The following CFAP69 variants were observed in gnomAD, a reference collection of about 807,000 sequenced individuals.
CFAP69 encodes cilia- and flagella-associated protein 69.
A neutral mutation model predicts 123.0 loss-of-function variants in CFAP69; 92 were observed. That is an observed-to-expected ratio of 0.75 (90% confidence interval 0.63 to 0.89). The LOEUF (loss-of-function observed/expected upper bound fraction) is 0.89, where lower values mean the gene tolerates loss of function less well. Among genes scored for constraint, CFAP69 ranks in the 40% least tolerant of loss-of-function variants. CFAP69 has a pLI of 0.00. For synonymous variants in CFAP69, 380 were observed against 364.3 expected (o/e 1.04, Z -0.49); for missense variants, 1,067 against 1,096.9 (o/e 0.97, Z 0.39).
At chr7:90,283,497 A>G (rs1280300069) in intron 13 of CFAP69, among the ~76,000 whole-genome samples, 1 of 152,186 alleles carries the variant, frequency 6.6e-6, no homozygotes, top group Admixed American at 6.5e-5. Flanking sequence ...ATATCAGAAT[A>G]TCCTTGACTT....
chr7:90,300,492 T>A, intron 17 of CFAP69: 7 of 750,110 alleles, frequency 9.3e-6, no homozygotes, highest in Non-Finnish European at 1.1e-5. Context: ...TTTATAGAGT[T>A]TACTTTTTAT....
At chr7:90,300,232 A>C in intron 17 of CFAP69, 173 bp downstream of exon 17, 1 of 1,104,614 alleles carries the variant, frequency 9.1e-7, no homozygotes. Context: ...AAACTAAGTA[A>C]ATTAGTAGTA....
intron 1 of CFAP69, among the ~76,000 whole-genome samples, chr7:90,254,127 G>A (rs994308980): frequency 9.2e-5 from 14 of 152,070 alleles, no homozygotes; most frequent in Non-Finnish European, 1.9e-4. Flanking sequence ...TGGTACCTTT[G>A]TCAAAAATGA....
chr7:90,246,105 C>T (rs1562826647), intron 1 of CFAP69, among the ~76,000 whole-genome samples: 1 of 152,106 alleles, frequency 6.6e-6, no homozygotes, highest in Non-Finnish European at 1.5e-5. Flanking sequence ...TCGGAGAGAA[C>T]CGGGAGAGAA....
chr7:90,316,663 G>A, the CFAP69 span: 4 of 152,246 alleles, frequency 2.6e-5, no homozygotes, highest in South Asian at 2.1e-4. Flanking sequence ...TGCCAAAAAC[G>A]GGGAGGAATT....
At chr7:90,319,759 G>GA in the CFAP69 span, 78 of 386,606 alleles carry the variant, frequency 2.0e-4, no homozygotes, top group African/African-American at 6.7e-4. Context: ...ATTCTATACA[G>GA]AAAAAAAAAT....
downstream of CFAP69, among the ~76,000 whole-genome samples, chr7:90,314,614 A>G (rs1339008193): frequency 2.0e-5 from 3 of 152,120 alleles, no homozygotes; most frequent in Non-Finnish European, 4.4e-5. Context: ...CCCTGCCAAA[A>G]AAAAAGAAAA....
intron 4 of CFAP69, among the ~76,000 whole-genome samples, chr7:90,264,112 T>A (rs1414951708): frequency 0.19 from 5,242 of 27,644 alleles, 1,615 homozygotes; most frequent in East Asian, 0.66. Flanking sequence ...AAAATATATA[T>A]ATATATATAT....
chr7:90,317,020 G>A, the CFAP69 span: 3 of 151,860 alleles, frequency 2.0e-5, no homozygotes, highest in Admixed American at 6.6e-5. Context: ...GAGGAAAACT[G>A]TAATACTGCC....
At chr7:90,290,860 A>G (rs1361297763) in intron 15 of CFAP69, among the ~76,000 whole-genome samples, 2 of 151,184 alleles carry the variant, frequency 1.3e-5, no homozygotes, top group Non-Finnish European at 2.9e-5. Context: ...GGACACAGGA[A>G]AGTGACCACA....
At chr7:90,311,119 C>T (rs1434342486), downstream of CFAP69, 2 of 151,912 alleles carry the variant, frequency 1.3e-5, no homozygotes, top group South Asian at 2.1e-4. Context: ...AAGTGTTTTC[C>T]CTCATTTGGT....
downstream of CFAP69, among the ~76,000 whole-genome samples, chr7:90,314,842 G>C (rs1199429818): frequency 1.3e-5 from 2 of 151,712 alleles, no homozygotes; most frequent in East Asian, 1.9e-4. Flanking sequence ...CTAGCATTAG[G>C]TATATCTCCC....
intron 8 of CFAP69, 38 bp from the exon 9 acceptor site, chr7:90,273,949 T>C (rs1265472352): frequency 6.8e-7 from 1 of 1,480,210 alleles, no homozygotes. Flanking sequence ...ATTTAGTGTA[T>C]AACAATATAG....
chr7:90,268,515 T>C (rs17867605), intron 6 of CFAP69, 131 bp downstream of exon 6: 152,444 of 605,912 alleles, frequency 0.25, 23,743 homozygotes, highest in East Asian at 0.68. Flanking sequence ...TTTTTTGTAG[T>C]CTTGAGCTCT....
intron 18 of CFAP69, 117 bp downstream of exon 18, chr7:90,304,223 C>G: frequency 7.2e-7 from 1 of 1,395,604 alleles, no homozygotes; most frequent in South Asian, 1.8e-5. Flanking sequence ...TAGAGAAATT[C>G]ATTTTCCATT....
chr7:90,313,478 C>A (rs551161212), downstream of CFAP69, among the ~76,000 whole-genome samples: 3 of 152,160 alleles, frequency 2.0e-5, no homozygotes. Context: ...CCCAATACCC[C>A]AACTTTGGTT....
At chr7:90,259,462 GT>G (rs1169565785) in intron 3 of CFAP69, among the ~76,000 whole-genome samples, 4 of 126,592 alleles carry the variant, frequency 3.2e-5, no homozygotes, top group Admixed American at 1.6e-4. Flanking sequence ...GTTTTGTTTT[GT>G]TTTGGGGTGT....
chr7:90,277,979 G>A lies in CFAP69; in HGVS notation c.1155+645G>A, dbSNP rs545253999. On this transcript the variant is annotated intron_variant, in intron 11 of 22. Transcript: ENST00000389297. ...CTTCAGCTCTGCTCACAGGTCTATC[G>A]TGAAGTTGCTATGAAGGCTTTTTAA... 2.1e-3 allele frequency among the ~76,000 whole-genome samples: 319 copies of A among 152,160 alleles called. 2 individuals carry two copies. Among genetic ancestry groups the A allele is most frequent in the Non-Finnish European group, 4.0e-3 (269 of 67,948 alleles).
At chr7:90,287,165 A>G (rs1391953141) in intron 14 of CFAP69, among the ~76,000 whole-genome samples, 1 of 151,708 alleles carries the variant, frequency 6.6e-6, no homozygotes, top group Non-Finnish European at 1.5e-5. Flanking sequence ...ATTGCTAAAT[A>G]GTATTCCATT....
Sources: gnomAD v4.1 joint callset for allele counts (sites outside exome capture counted in the v4.1 genomes callset) on GRCh38, gnomAD v4.1.1 for gene constraint, MANE v1.5 for transcripts, NCBI Gene and HGNC (gene_info 2026-07-23, HGNC 2026-07-21) for gene names.